Variants in RASSF3 observed in about 807,000 individuals in gnomAD.
RASSF3 encodes ras association domain-containing protein 3.
In RASSF3, 19 loss-of-function variants were observed where a neutral mutation model predicts 19.9. That is an observed-to-expected ratio of 0.96 (90% CI 0.67 to 1.40). The LOEUF (loss-of-function observed/expected upper bound fraction) is 1.40. Among genes scored for constraint, RASSF3 ranks in the 40% most tolerant of loss-of-function variants. The pLI is 0.00. For synonymous variants in RASSF3, 110 were observed against 104.2 expected (o/e 1.06, Z -0.34); for missense variants, 306 against 289.8 (o/e 1.06, Z -0.41).
chr12:64,523,133 CG>C (rs1387351407), intron 1 of RASSF3, among the ~76,000 whole-genome samples: 10 of 152,186 alleles, frequency 6.6e-5, no homozygotes, highest in Non-Finnish European at 1.5e-4. Context: ...TGGCCAGGCA[CG>C]GTGGCTCAAG....
In RASSF3 at chr12:64,612,320, TG is replaced by T. The variant is rs1325695299; in HGVS notation, c.111+1578del. 2.0e-5 allele frequency among the ~76,000 whole-genome samples: 3 copies of T among 152,142 alleles called. No individual in the cohort carries two copies. The East Asian group carries it at 5.8e-4, about 29-fold the overall frequency. On this transcript the variant is annotated intron_variant, in intron 1 of 4. Transcript: ENST00000542104. ...GGTAGTTTGAAGTTTATTCCAGAGG[TG>T]TCTGCTAATCTCCTGAAAACTGGCT...
At chr12:64,556,540 A>T (rs1370342028) in intron 2 of RASSF3, among the ~76,000 whole-genome samples, 1 of 152,042 alleles carries the variant, frequency 6.6e-6, no homozygotes, top group Non-Finnish European at 1.5e-5. Flanking sequence ...CTACATGAGT[A>T]CCTTCTCCTT....
rs191792445 is a variant in RASSF3 at position 64,586,640 on chromosome 12, A to G, written c.294+44935A>G. 2.6e-4 allele frequency among the ~76,000 whole-genome samples: 40 copies of G among 151,918 alleles called. No homozygotes were observed. In the East Asian group the frequency reaches 7.8e-3, roughly 29 times the overall value. ...AAAGTAAGATCAAGAAAAGTAAAAT[A>G]GGCCAGGCATTATGGCTCACGCCTG... On this transcript the variant is annotated intron_variant, in intron 2 of 5. Transcript: ENST00000637125.
At chr12:64,573,636 G>T (rs905133237) in intron 2 of RASSF3, among the ~76,000 whole-genome samples, 7 of 152,126 alleles carry the variant, frequency 4.6e-5, no homozygotes, top group Non-Finnish European at 7.4e-5. Flanking sequence ...TTGGTCTCAG[G>T]TCCCATTGGC....
intron 2 of RASSF3, among the ~76,000 whole-genome samples, chr12:64,598,656 C>T (rs1079470): frequency 0.39 from 59,308 of 151,984 alleles, 11,853 homozygotes; most frequent in Non-Finnish European, 0.43. Flanking sequence ...ATTAAGAAGG[C>T]TCAATTTCTC....
intron 2 of RASSF3, among the ~76,000 whole-genome samples, chr12:64,579,913 C>A (rs925464481): frequency 1.3e-5 from 2 of 150,486 alleles, no homozygotes; most frequent in Non-Finnish European, 2.9e-5. Flanking sequence ...CTTCTGGGTT[C>A]AAGAGATTCT....
At chr12:64,577,345 A>G (rs1035817853) in intron 2 of RASSF3, among the ~76,000 whole-genome samples, 2 of 152,196 alleles carry the variant, frequency 1.3e-5, no homozygotes, top group African/African-American at 4.8e-5. Flanking sequence ...TAGCGCTACA[A>G]TGTTTTAAAA....
intron 1 of RASSF3, among the ~76,000 whole-genome samples, chr12:64,640,345 CAA>C (rs1309694012): frequency 9.9e-5 from 15 of 152,124 alleles, no homozygotes. Flanking sequence ...CCTCTCAACA[CAA>C]AAGTGTACAG....
intron 2 of RASSF3, among the ~76,000 whole-genome samples, chr12:64,584,501 A>ATG (rs766862269): frequency 0.011 from 917 of 83,548 alleles, 22 homozygotes; most frequent in East Asian, 0.033. Context: ...GGTCCAGGCT[A>ATG]AGAAAAAAAA....
intron 4 of RASSF3, among the ~76,000 whole-genome samples, chr12:64,693,144 C>CTT (rs71434057): frequency 0.15 from 19,165 of 128,552 alleles, 1,405 homozygotes; most frequent in South Asian, 0.28. Context: ...CCATGTTGCT[C>CTT]TTTTTTTTTT....
intron 2 of RASSF3, chr12:64,575,813 T>A (rs1592405612): frequency 6.6e-6 from 1 of 151,964 alleles, no homozygotes; most frequent in African/African-American, 2.4e-5. Flanking sequence ...CAATATTCGA[T>A]TGTGAATTGT....
chr12:64,636,682 A>G (rs987924217), intron 1 of RASSF3, among the ~76,000 whole-genome samples: 1 of 151,970 alleles, frequency 6.6e-6, no homozygotes, highest in Non-Finnish European at 1.5e-5. Flanking sequence ...CCTGGCCAAC[A>G]TGGCGAAACC....
chr12:64,655,673 A>G (rs1872131452), intron 1 of RASSF3, among the ~76,000 whole-genome samples: 2 of 152,112 alleles, frequency 1.3e-5, no homozygotes, highest in South Asian at 4.1e-4. Flanking sequence ...TATAAGATAA[A>G]AACCAAAACA....
chr12:64,631,324 T>C (rs541160438), intron 1 of RASSF3, among the ~76,000 whole-genome samples: 1 of 152,142 alleles, frequency 6.6e-6, no homozygotes, highest in African/African-American at 2.4e-5. Context: ...TGGAACTGTG[T>C]GGCAGTCTCT....
intron 1 of RASSF3, among the ~76,000 whole-genome samples, chr12:64,631,446 G>A (rs933266806): frequency 5.9e-5 from 9 of 152,144 alleles, no homozygotes; most frequent in Admixed American, 3.9e-4. Context: ...GTGCTCTTCC[G>A]TGAGGCTTGT....
At position 64,571,319 on chromosome 12, in the gene RASSF3, C is replaced by T. The variant is rs73128251; in HGVS notation, c.294+29614C>T. Among the ~76,000 whole-genome samples, 816 of 152,266 alleles carry T rather than the reference C, an allele frequency of 5.4e-3. 3 individuals are homozygous for T. Among genetic ancestry groups the T allele is most frequent in the Non-Finnish European group, 8.6e-3 (582 of 68,022 alleles). ...GACACACTGCAGATGCCAGGCCCTG[C>T]GATCCTTAGACAAAGAAGAGGGGCT... On this transcript the variant is annotated intron_variant, in intron 2 of 5. Transcript: ENST00000637125.
intron 2 of RASSF3, among the ~76,000 whole-genome samples, chr12:64,551,433 G>T (rs766939465): frequency 6.6e-6 from 1 of 151,990 alleles, no homozygotes; most frequent in Non-Finnish European, 1.5e-5. Context: ...AAAATTAGCC[G>T]GGCATGGTGG....
chr12:64,530,552 T>G (rs1015721997), upstream of RASSF3, among the ~76,000 whole-genome samples: 10 of 152,236 alleles, frequency 6.6e-5, no homozygotes, highest in Admixed American at 6.5e-4. Context: ...AGTCTTTGTA[T>G]GGGCATATGC....
chr12:64,524,809 A>G (rs1307926600), intron 1 of RASSF3, among the ~76,000 whole-genome samples: 1 of 152,232 alleles, frequency 6.6e-6, no homozygotes, highest in Non-Finnish European at 1.5e-5. Flanking sequence ...GCTTGTCCTT[A>G]TGAATAAAAG....
Sources: gnomAD v4.1 joint callset for allele counts (sites outside exome capture counted in the v4.1 genomes callset) on GRCh38, gnomAD v4.1.1 for gene constraint, MANE v1.5 for transcripts, NCBI Gene and HGNC (gene_info 2026-07-23, HGNC 2026-07-21) for gene names.